Variants in STAG1 observed in about 807,000 individuals in gnomAD.
The protein encoded by STAG1 is STAG1 cohesin complex component.
A neutral mutation model predicts 170.9 loss-of-function variants in STAG1; 26 were observed. The ratio of observed to expected loss-of-function variants is 0.15; its 90% confidence interval spans 0.11 to 0.21. The LOEUF is 0.21. Among genes scored for constraint, STAG1 ranks in the 10% least tolerant of loss-of-function variants. STAG1 has a pLI of 1.00. For missense variants in STAG1, 964 were observed against 1,509.5 expected, an observed-to-expected ratio of 0.64 and a Z score of 5.99; for synonymous variants, 514 against 497.7, an observed-to-expected ratio of 1.03 and a Z score of -0.44.
intron 6 of STAG1, among the ~76,000 whole-genome samples, chr3:136,523,412 G>GTT (rs1934797692): frequency 1.4e-5 from 1 of 69,276 alleles, no homozygotes; most frequent in African/African-American, 4.5e-5. Context: ...TTGTTGATGG[G>GTT]GTTGTTTTCT....
chr3:136,641,445 C>A (rs1940796272), intron 1 of STAG1, among the ~76,000 whole-genome samples: 1 of 152,174 alleles, frequency 6.6e-6, no homozygotes, highest in Non-Finnish European at 1.5e-5. Flanking sequence ...ACAGTTAACA[C>A]TGCTAATAGT....
chr3:136,576,943 C>T (rs185563528), intron 4 of STAG1, among the ~76,000 whole-genome samples: 28 of 152,258 alleles, frequency 1.8e-4, no homozygotes, highest in Admixed American at 1.2e-3. Context: ...AAAGTAGATT[C>T]GTTTGCTTTG....
intron 21 of STAG1, among the ~76,000 whole-genome samples, chr3:136,406,244 A>C (rs1407091762): frequency 1.3e-5 from 2 of 152,238 alleles, no homozygotes; most frequent in Non-Finnish European, 2.9e-5. Context: ...AACTTGAATT[A>C]ATGTCAAAAA....
intron 1 of STAG1, among the ~76,000 whole-genome samples, chr3:136,706,092 A>T (rs1281544982): frequency 6.6e-6 from 1 of 152,124 alleles, no homozygotes. Flanking sequence ...ACAAACAAAA[A>T]ACTCAGGAAA....
chr3:136,707,015 G>T (rs543307512), intron 1 of STAG1, among the ~76,000 whole-genome samples: 270 of 152,300 alleles, frequency 1.8e-3, no homozygotes, highest in Non-Finnish European at 3.0e-3. Context: ...AAAGAATGAA[G>T]TTGGACCCTT....
chr3:136,522,024 T>C (rs1252612445), intron 6 of STAG1, among the ~76,000 whole-genome samples: 2 of 152,246 alleles, frequency 1.3e-5, no homozygotes, highest in Admixed American at 1.3e-4. Flanking sequence ...CACCAGGTTG[T>C]GTCATCTTGT....
intron 28 of STAG1, among the ~76,000 whole-genome samples, chr3:136,352,860 A>C (rs1231426161): frequency 6.6e-6 from 1 of 152,190 alleles, no homozygotes; most frequent in African/African-American, 2.4e-5. Flanking sequence ...AGGTGTATTA[A>C]ATGCATTTTT....
chr3:136,674,622 A>C (rs1271378145), intron 1 of STAG1, among the ~76,000 whole-genome samples: 1 of 152,232 alleles, frequency 6.6e-6, no homozygotes. Flanking sequence ...ATGTACACTT[A>C]CAATGGACAC....
Position 136,725,537 on chromosome 3 carries a change from T to C in STAG1, c.-84+26658A>G, listed in dbSNP as rs1420506577. Among the ~76,000 whole-genome samples, 3 of 152,236 alleles carry C rather than the reference T, an allele frequency of 2.0e-5. No homozygotes were observed. In the East Asian group the frequency reaches 5.8e-4, roughly 29 times the overall value. ...ATTGCTAGTAATAACGCCAATTCTA[T>C]GTTTTCTTGCAAAGCAACAGTAAAG... is the stretch of plus-strand genomic sequence containing the variant. On this transcript the variant is annotated intron_variant, in intron 1 of 33. Coordinates refer to ENST00000383202, the MANE Select transcript of STAG1 (RefSeq NM_005862.3).
chr3:136,572,171 T>A (rs1937284452), intron 4 of STAG1, among the ~76,000 whole-genome samples: 1 of 151,990 alleles, frequency 6.6e-6, no homozygotes. Context: ...GCCAAGATGG[T>A]GCCACTGCAC....
chr3:136,384,085 G>A (rs1189384296), intron 22 of STAG1, among the ~76,000 whole-genome samples: 1 of 152,048 alleles, frequency 6.6e-6, no homozygotes, highest in Non-Finnish European at 1.5e-5. Context: ...GTCTTAACCA[G>A]TATGCTATAA....
chr3:136,442,808 G>C (rs2088670246), intron 15 of STAG1, among the ~76,000 whole-genome samples: 1 of 152,190 alleles, frequency 6.6e-6, no homozygotes, highest in East Asian at 1.9e-4. Flanking sequence ...GGAGGGCTAA[G>C]GCAGGAAGAT....
chr3:136,561,064 C>T (rs1207347478), intron 5 of STAG1, among the ~76,000 whole-genome samples: 5 of 152,034 alleles, frequency 3.3e-5, no homozygotes, highest in African/African-American at 9.7e-5. Flanking sequence ...CAGTAAAATG[C>T]CAATCTAGAT....
intron 1 of STAG1, among the ~76,000 whole-genome samples, chr3:136,673,148 G>A (rs1463743685): frequency 6.6e-6 from 1 of 152,200 alleles, no homozygotes; most frequent in African/African-American, 2.4e-5. Flanking sequence ...AAGAAATAGG[G>A]TAAACCTGTT....
chr3:136,672,471 A>G (rs1942006393), intron 1 of STAG1, among the ~76,000 whole-genome samples: 1 of 152,236 alleles, frequency 6.6e-6, no homozygotes, highest in African/African-American at 2.4e-5. Flanking sequence ...TTCCTAAACA[A>G]GCATCTAGGA....
intron 16 of STAG1, among the ~76,000 whole-genome samples, chr3:136,425,999 C>T (rs753586653): frequency 4.6e-5 from 7 of 150,620 alleles, no homozygotes; most frequent in Admixed American, 4.6e-4. Flanking sequence ...TAGGGGAAAT[C>T]CTTGTACATT....
intron 6 of STAG1, among the ~76,000 whole-genome samples, chr3:136,527,721 T>A (rs887851210): frequency 1.6e-4 from 24 of 152,212 alleles, no homozygotes; most frequent in African/African-American, 5.8e-4. Flanking sequence ...TGGTTTCATC[T>A]ACCTTTGGTC....
At chr3:136,574,409 T>C (rs1011218319) in intron 4 of STAG1, among the ~76,000 whole-genome samples, 3 of 151,888 alleles carry the variant, frequency 2.0e-5, no homozygotes, top group African/African-American at 7.3e-5. Context: ...ACTATAACAA[T>C]AACAGGTTTC....
At chr3:136,372,741 TC>T (rs1449159085) in intron 23 of STAG1, among the ~76,000 whole-genome samples, 1 of 152,220 alleles carries the variant, frequency 6.6e-6, no homozygotes, top group Non-Finnish European at 1.5e-5. Context: ...GCTGCTGGAT[TC>T]AGTTTTCCAG....
Sources: gnomAD v4.1 joint callset for allele counts (sites outside exome capture counted in the v4.1 genomes callset) on GRCh38, gnomAD v4.1.1 for gene constraint, MANE v1.5 for transcripts, NCBI Gene and HGNC (gene_info 2026-07-23, HGNC 2026-07-21) for gene names.